BIN3: variants seen among roughly 807,000 people sequenced by gnomAD.
BIN3 encodes the protein bridging integrator 3.
In BIN3, 41 loss-of-function variants were observed where a neutral mutation model predicts 38.2. The observed-to-expected ratio is 1.07, with a 90% confidence interval of 0.84 to 1.39. The LOEUF is 1.39. Ranked by LOEUF, BIN3 falls within the 40% of genes most tolerant of loss-of-function variation. The pLI is 0.00. For missense variants in BIN3, 361 were observed against 324.3 expected (o/e 1.11, Z -0.87); for synonymous variants, 145 against 122.6 (o/e 1.18, Z -1.21).
chr8:22,660,549 G>A (rs1181332010), intron 1 of BIN3, among the ~76,000 whole-genome samples: 1 of 152,234 alleles, frequency 6.6e-6, no homozygotes, highest in East Asian at 1.9e-4. Context: ...AGAGGTAGAA[G>A]GAAGATGGCT....
intron 2 of BIN3, among the ~76,000 whole-genome samples, chr8:22,638,437 T>C (rs1034884619): frequency 6.6e-6 from 1 of 152,256 alleles, no homozygotes. Flanking sequence ...TTAAACAACA[T>C]TCATTCCTAC....
At position 22,627,257 on chromosome 8, in the gene BIN3, T is replaced by A. The variant is rs529336042; in HGVS notation, c.338+2707A>T. Among the ~76,000 whole-genome samples, 4 of 152,194 alleles carry A rather than the reference T, an allele frequency of 2.6e-5. No homozygotes were observed. The East Asian group carries it at 7.7e-4, about 29-fold the overall frequency. ...AAGTGTCACACCTTTCTACATTCAGTGGGAACTCACATCAGTCAGGGCAGG... is the reference window on the plus strand; with the variant it reads ...AAGTGTCACACCTTTCTACATTCAGAGGGAACTCACATCAGTCAGGGCAGG... On this transcript the variant is annotated intron_variant, in intron 6 of 8. Transcript: ENST00000276416.
chr8:22,653,608 C>T (rs1802966054), intron 1 of BIN3, among the ~76,000 whole-genome samples: 1 of 152,190 alleles, frequency 6.6e-6, no homozygotes, highest in Non-Finnish European at 1.5e-5. Context: ...CCCAATTCAC[C>T]CTTCCTTAGT....
chr8:22,654,452 A>G (rs1194840010), intron 1 of BIN3, among the ~76,000 whole-genome samples: 3 of 152,226 alleles, frequency 2.0e-5, no homozygotes, highest in Non-Finnish European at 4.4e-5. Flanking sequence ...GAACATTTTC[A>G]TCACACCAAA....
intron 4 of BIN3, among the ~76,000 whole-genome samples, chr8:22,634,992 G>A (rs73671221): frequency 3.5e-4 from 53 of 152,284 alleles, no homozygotes; most frequent in African/African-American, 9.6e-4. Context: ...GCCATAACAT[G>A]GCATTATTCA....
At chr8:22,642,506 C>A (rs1019066536) in intron 2 of BIN3, among the ~76,000 whole-genome samples, 7 of 152,190 alleles carry the variant, frequency 4.6e-5, no homozygotes, top group African/African-American at 1.7e-4. Context: ...ACTTTTGTTG[C>A]GTTGGGAAAT....
chr8:22,648,271 TGA>T (rs1802775486), intron 1 of BIN3, among the ~76,000 whole-genome samples: 1 of 152,092 alleles, frequency 6.6e-6, no homozygotes, highest in African/African-American at 2.4e-5. Flanking sequence ...GAACCAACAG[TGA>T]GAGTCAAGAC....
At chr8:22,650,565 G>A (rs1406677980) in intron 1 of BIN3, among the ~76,000 whole-genome samples, 1 of 151,952 alleles carries the variant, frequency 6.6e-6, no homozygotes, top group African/African-American at 2.4e-5. Flanking sequence ...TCTATCATTA[G>A]TATCAAAGTT....
intron 1 of BIN3, among the ~76,000 whole-genome samples, chr8:22,649,816 C>CAA (rs777471511): frequency 1.9e-4 from 14 of 73,832 alleles, no homozygotes; most frequent in Middle Eastern, 6.0e-3. Context: ...AAGGACAACA[C>CAA]ACACACACAC....
chr8:22,649,906 ATGTG>A (rs1243395812), intron 1 of BIN3, among the ~76,000 whole-genome samples: 1 of 146,172 alleles, frequency 6.8e-6, no homozygotes, highest in African/African-American at 2.8e-5. Context: ...CAGTGTGTAC[ATGTG>A]TGTGTGCATG....
At chr8:22,637,394 G>A (rs570284171) in intron 2 of BIN3, among the ~76,000 whole-genome samples, 1 of 152,298 alleles carries the variant, frequency 6.6e-6, no homozygotes, top group East Asian at 1.9e-4. Flanking sequence ...GGTCCATGCA[G>A]GGCACCTCCC....
rs569508767 is a variant in BIN3, at chr8:22,621,527, C to T, written c.657G>A (p.Leu219=). The change falls in exon 9 of 9, where the codon CTG becomes CTA. Residue 219 remains leucine, a synonymous_variant. Transcript: ENST00000276416. ...YSEMHKIFGD[L]SHQLDQPGHS... ...GGCCTGGCTGGTCAAGCTGATGGGA[C>T]AGGTCTCCAAAGATCTTGTGCATTT... 6 of 1,613,892 alleles carry T rather than the reference C, an allele frequency of 3.7e-6. No individual in the cohort carries two copies. Among genetic ancestry groups the T allele is most frequent in the South Asian group, 2.2e-5 (2 of 91,090 alleles).
At chr8:22,630,133 T>C in intron 5 of BIN3, 129 bp from the exon 6 acceptor site, 1 of 1,123,230 alleles carries the variant, frequency 8.9e-7, no homozygotes, top group Non-Finnish European at 1.3e-6. Flanking sequence ...GTCCTGGGCC[T>C]GGCTTTGCTC....
chr8:22,624,650 G>A (rs1346120806), intron 6 of BIN3: 2 of 361,160 alleles, frequency 5.5e-6, no homozygotes, highest in African/African-American at 4.2e-5. Context: ...GAGGAGGTGG[G>A]GTTGTGGGCC....
At chr8:22,621,601 G>A in intron 8 of BIN3, 33 bp from the exon 9 acceptor site, 1 of 1,607,176 alleles carries the variant, frequency 6.2e-7, no homozygotes, top group Non-Finnish European at 8.5e-7. Context: ...GCACGTGCTG[G>A]CTCCAGGGAA....
intron 2 of BIN3, among the ~76,000 whole-genome samples, chr8:22,641,503 C>T (rs759550036): frequency 6.6e-6 from 1 of 152,156 alleles, no homozygotes; most frequent in Non-Finnish European, 1.5e-5. Flanking sequence ...GGCACTGATC[C>T]CAGGGCTGAG....
intron 1 of BIN3, among the ~76,000 whole-genome samples, chr8:22,650,113 T>G (rs1187575417): frequency 6.6e-6 from 1 of 152,174 alleles, no homozygotes; most frequent in Non-Finnish European, 1.5e-5. Context: ...TGCTGGTCAT[T>G]GCAACCGTTT....
intron 6 of BIN3, 72 bp downstream of exon 6, chr8:22,629,892 T>G: frequency 2.8e-6 from 4 of 1,412,918 alleles, no homozygotes; most frequent in Non-Finnish European, 3.9e-6. Flanking sequence ...AGAAATCCTC[T>G]TCAGTCCCCA....
chr8:22,636,465 G>C lies in BIN3; in HGVS notation c.160+60C>G, dbSNP rs3735899. ...CAGAGCCCTTGGGGGGCTGAGAGAG[G>C]AGGGTGCCCACCTCTGCCCCACCTG... On this transcript the variant is annotated intron_variant, in intron 4 of 8. Coordinates refer to ENST00000276416, the MANE Select transcript of BIN3 (RefSeq NM_018688.6). The C allele has an allele frequency of 1.6e-3, 2,383 of 1,516,762 alleles. 66 individuals are homozygous for C. The East Asian group carries it at 0.049, about 31-fold the overall frequency. 94.0% of individuals were successfully genotyped at this position (1,516,762 alleles called of 1,614,324 possible). A position where few individuals can be genotyped will look rare whatever the true frequency, so the allele number is the denominator to read the frequency against.
Sources: gnomAD v4.1 joint callset for allele counts (sites outside exome capture counted in the v4.1 genomes callset) on GRCh38, gnomAD v4.1.1 for gene constraint, MANE v1.5 for transcripts, NCBI Gene and HGNC (gene_info 2026-07-23, HGNC 2026-07-21) for gene names.